The following BSN variants were observed in gnomAD, a reference collection of about 807,000 sequenced individuals.
BSN encodes bassoon presynaptic cytomatrix protein.
Under a neutral mutation model 264.8 loss-of-function variants are expected in BSN, and 57 were observed. The observed-to-expected ratio is 0.22, with a 90% CI of 0.17 to 0.27. BSN has a LOEUF of 0.27. BSN is among the 10% of genes least tolerant of loss of function. The probability of loss-of-function intolerance (pLI) is 1.00; values close to 1 mark genes in which losing one functional copy is unlikely to be tolerated. For missense variants in BSN, 4,615 were observed against 5,232.5 expected, an observed-to-expected ratio of 0.88 and a Z score of 3.64; for synonymous variants, 2,059 against 2,137.3, an observed-to-expected ratio of 0.96 and a Z score of 1.01.
intron 1 of BSN, among the ~76,000 whole-genome samples, chr3:49,622,361 G>A (rs1237745887): frequency 2.6e-5 from 4 of 152,208 alleles, no homozygotes; most frequent in Non-Finnish European, 5.9e-5. Context: ...CATGAGGTGT[G>A]TGGGTGCACA....
chr3:49,560,725 C>T (rs972932758), intron 1 of BSN, among the ~76,000 whole-genome samples: 2 of 152,196 alleles, frequency 1.3e-5, no homozygotes, highest in South Asian at 4.1e-4. Context: ...GCCATCTCCT[C>T]TCACTAGCAC....
Position 49,669,027 on chromosome 3 carries a change from T to G in BSN, c.*1542T>G, listed in dbSNP as rs1170729545. ...TGAAATTCTCAGTCTGTGGCATGTTTGACCTGTGGCAGGACTCGCTGCTGC... is the reference window on the plus strand; with the variant it reads ...TGAAATTCTCAGTCTGTGGCATGTTGGACCTGTGGCAGGACTCGCTGCTGC... On this transcript the variant is annotated 3_prime_UTR_variant, in exon 12 of 12. Transcript: ENST00000296452. 1.3e-5 allele frequency: 2 copies of G among 152,106 alleles called. No homozygotes were observed. Among genetic ancestry groups the G allele is most frequent in the Admixed American group, 6.6e-5 (1 of 15,262 alleles). The allele number at this position is 152,106 out of a possible 1,614,324, so 9.4% of individuals were successfully genotyped here.
At chr3:49,560,625 G>C (rs923349798) in intron 1 of BSN, among the ~76,000 whole-genome samples, 1 of 152,204 alleles carries the variant, frequency 6.6e-6, no homozygotes, top group African/African-American at 2.4e-5. Flanking sequence ...CTCCTGCTCA[G>C]TCCTTTCATT....
chr3:49,603,147 CCCT>C (rs1559602217), intron 1 of BSN, among the ~76,000 whole-genome samples: 1 of 150,952 alleles, frequency 6.6e-6, no homozygotes. Context: ...CACTGCTGGC[CCCT>C]CAAGGACAAC....
rs753426455 is a variant in BSN, at chr3:49,642,192, T to G, written c.634-76T>G. ...GTGCTAGGAGTGGCCTTGGCTGCTG[T>G]GGGGCCTGCACTGACCTGGGCCATG... On this transcript the variant is annotated intron_variant, in intron 2 of 11. Coordinates refer to ENST00000296452, the MANE Select transcript of BSN (RefSeq NM_003458.4). The surrounding 1 kb of genome is among the most constrained non-coding windows in gnomAD (Gnocchi z 7.0). The G allele has an allele frequency of 1.1e-4, 129 of 1,219,292 alleles. No homozygotes were observed. The highest frequency in any genetic ancestry group is 1.4e-4 in the Non-Finnish European group (127 of 911,898). The allele number at this position is 1,219,292 out of a possible 1,614,324, so 75.5% of individuals were successfully genotyped here.
Position 49,625,051 on chromosome 3 carries a change from G to A in BSN, c.301G>A (p.Ala101Thr), listed in dbSNP as rs759638491. The A allele has an allele frequency of 1.9e-6, 3 of 1,596,428 alleles. No homozygotes were observed. In the Admixed American group the frequency reaches 5.5e-5, roughly 29 times the overall value. The change falls in exon 2 of 12, where the codon GCT (alanine) becomes ACT (threonine). Residue 101 changes from alanine to threonine, a missense_variant. By Grantham distance (58) the Ala-to-Thr change is moderately conservative. Coordinates refer to ENST00000296452, the MANE Select transcript of BSN (RefSeq NM_003458.4). This position sits in a 1 kb window ranked among gnomAD's most constrained non-coding sequence, Gnocchi z 4.4. ...AASPTPKQASATTPGHESPRE... is the reference protein window; with the variant it reads ...AASPTPKQASTTTPGHESPRE... ...TTCCCCAACTCCGAAGCAGGCTTCT[G>A]CTACCACTCCTGGCCATGAGAGCCC... is the stretch of plus-strand genomic sequence containing the variant.
intron 1 of BSN, among the ~76,000 whole-genome samples, chr3:49,622,763 A>G (rs533761366): frequency 3.9e-5 from 6 of 152,334 alleles, no homozygotes; most frequent in African/African-American, 1.4e-4. Context: ...ATACCTAGAA[A>G]TTAGTATACT....
At chr3:49,568,758 C>A (rs897373990) in intron 1 of BSN, among the ~76,000 whole-genome samples, 1 of 152,190 alleles carries the variant, frequency 6.6e-6, no homozygotes, top group African/African-American at 2.4e-5. Context: ...AGTGAGGAAT[C>A]TGGAAAATGT....
intron 1 of BSN, among the ~76,000 whole-genome samples, chr3:49,602,396 T>TCCTTGCTCTG (rs1373663644): frequency 1.3e-5 from 2 of 151,682 alleles, no homozygotes; most frequent in South Asian, 2.1e-4. Context: ...TAGGTACCAA[T>TCCTTGCTCTG]CCTTGCTCTG....
Position 49,667,759 on chromosome 3 carries a change from GCT to G in BSN, c.*279_*280del, listed in dbSNP as rs1265634521. On this transcript the variant is annotated 3_prime_UTR_variant, in exon 12 of 12. Coordinates refer to ENST00000296452, the MANE Select transcript of BSN (RefSeq NM_003458.4). ...CTTTGATTGTCTTTCCAGAGATGCT[GCT>G]CTCTGCAGGGCACCACCTTCAAGGC... is the stretch of plus-strand genomic sequence containing the variant. 1 of 152,594 alleles carries G rather than the reference GCT, an allele frequency of 6.6e-6. No individual in the cohort carries two copies. The highest frequency in any genetic ancestry group is 1.5e-5 in the Non-Finnish European group (1 of 68,032). 9.5% of individuals were successfully genotyped at this position (152,594 alleles called of 1,614,324 possible).
intron 1 of BSN, among the ~76,000 whole-genome samples, chr3:49,583,765 C>A (rs2051912657): frequency 6.6e-6 from 1 of 152,114 alleles, no homozygotes; most frequent in Non-Finnish European, 1.5e-5. Flanking sequence ...TTTTTCATTT[C>A]TTCCTGAGTC....
At position 49,642,286 on chromosome 3, in the gene BSN, C is replaced by A; in HGVS notation, c.652C>A (p.Leu218Met). 1 of 1,547,768 alleles carries A rather than the reference C, an allele frequency of 6.5e-7. No homozygotes were observed. Among genetic ancestry groups the A allele is most frequent in the Admixed American group, 2.1e-5 (1 of 47,900 alleles). Residue 218 changes from leucine (L) to methionine (M), a missense_variant, in exon 3 of 12, where the codon CTG (leucine) becomes ATG (methionine). By Grantham distance (15) the Leu-to-Met change is conservative. Transcript: ENST00000296452. The surrounding 1 kb of genome is among the most constrained non-coding windows in gnomAD (Gnocchi z 7.0). Reference protein sequence around the residue: ...HLTQVKEWLCLNCQMQRALGM... With the variant: ...HLTQVKEWLCMNCQMQRALGM... The stretch of plus-strand genomic sequence containing the variant: ...TCCTCAGGTGAAGGAGTGGCTCTGT[C>A]TGAACTGTCAGATGCAGAGGGCTCT...
At position 49,642,697 on chromosome 3, in the gene BSN, G is replaced by A. The variant is rs148125466; in HGVS notation, c.1063G>A (p.Ala355Thr). The change falls in exon 3 of 12, where the codon GCG (alanine) becomes ACG (threonine). Residue 355 changes from alanine to threonine, a missense_variant. Ala to Thr is a moderately conservative substitution (Grantham distance 58, BLOSUM62 0). Transcript: ENST00000296452. The surrounding 1 kb of genome is among the most constrained non-coding windows in gnomAD (Gnocchi z 7.0). ...GLTGKLFGLG[A>T]SLLTQASTLM... is the part of the protein sequence containing the mutation. ...CACTGGTAAGCTCTTCGGCCTTGGC[G>A]CGTCACTGCTAACCCAGGCGAGCAC... 6,230 of 1,613,152 alleles carry A rather than the reference G, an allele frequency of 3.9e-3. 21 individuals are homozygous for A. The highest frequency in any genetic ancestry group is 4.3e-3 in the Non-Finnish European group (5,061 of 1,179,754).
intron 2 of BSN, among the ~76,000 whole-genome samples, chr3:49,630,896 C>T (rs1371108262): frequency 6.6e-6 from 1 of 152,076 alleles, no homozygotes; most frequent in Non-Finnish European, 1.5e-5. Flanking sequence ...ACCAGGAAAT[C>T]TTGGTAAAGT....
Position 49,656,561 on chromosome 3 carries a change from G to A in BSN, c.7005G>A (p.Lys2335=), listed in dbSNP as rs1197505063. ...APAPAPLAGQ[K]PPADAAPGGG... ...CTCCTGCCCCACTAGCTGGCCAGAA[G>A]CCACCAGCAGATGCTGCTCCTGGGG... is the stretch of plus-strand genomic sequence containing the variant. Residue 2335 remains lysine (K), a synonymous_variant, in exon 5 of 12, where the codon AAG becomes AAA. Transcript: ENST00000296452. The A allele has an allele frequency of 1.3e-6, 2 of 1,573,028 alleles. No individual in the cohort carries two copies. Among genetic ancestry groups the A allele is most frequent in the East Asian group, 4.5e-5 (2 of 44,264 alleles).
At chr3:49,563,973 G>T (rs1260405971) in intron 1 of BSN, among the ~76,000 whole-genome samples, 2 of 152,146 alleles carry the variant, frequency 1.3e-5, no homozygotes, top group Admixed American at 6.5e-5. Context: ...GGTTTAGCAG[G>T]CGCTCACTGT....
At chr3:49,592,479 C>T (rs1031268371) in intron 1 of BSN, among the ~76,000 whole-genome samples, 18 of 150,808 alleles carry the variant, frequency 1.2e-4, no homozygotes, top group Middle Eastern at 3.4e-3. Context: ...GAGGGCCGGA[C>T]GCGGTGGCTC....
At position 49,660,406 on chromosome 3, in the gene BSN, G is replaced by T. The variant is rs186890067; in HGVS notation, c.8641-80G>T. 2.1e-5 allele frequency: 32 copies of T among 1,505,634 alleles called. No homozygotes were observed. In the East Asian group the frequency reaches 5.7e-4, roughly 27 times the overall value. The allele number at this position is 1,505,634 out of a possible 1,614,324, so 93.3% of individuals were successfully genotyped here. On this transcript the variant is annotated intron_variant, in intron 5 of 11. Coordinates refer to ENST00000296452, the MANE Select transcript of BSN (RefSeq NM_003458.4). The surrounding 1 kb of genome is among the most constrained non-coding windows in gnomAD (Gnocchi z 7.1). Reference sequence around the variant, plus strand: ...GAACCCAGCTCCTTCCCCAGCCCAGGCCTGGGTTCTGCCACCCCACACCCC... The same window carrying T: ...GAACCCAGCTCCTTCCCCAGCCCAGTCCTGGGTTCTGCCACCCCACACCCC...
chr3:49,652,268 C>G lies in BSN; in HGVS notation c.2712C>G (p.Gly904=). Residue 904 remains glycine (G), a synonymous_variant, in exon 5 of 12, where the codon GGC becomes GGG. Coordinates refer to ENST00000296452, the MANE Select transcript of BSN (RefSeq NM_003458.4). ...GCCTGCCCCACAATGCCACCACGGG[C>G]TATGAGGAGCTGCTCCCTGAGGGAG... ...KRRLPHNATT[G]YEELLPEGGS... 6.2e-7 allele frequency: 1 copy of G among 1,600,520 alleles called. No homozygotes were observed.
Sources: gnomAD v4.1 joint callset for allele counts (sites outside exome capture counted in the v4.1 genomes callset) on GRCh38, gnomAD v4.1.1 for gene constraint, Gnocchi (gnomAD v3.1) non-coding constraint, MANE v1.5 for transcripts, NCBI Gene and HGNC (gene_info 2026-07-23, HGNC 2026-07-21) for gene names.